MINK1: variants seen among roughly 807,000 people sequenced by gnomAD.
MINK1 encodes the protein misshapen like kinase 1, also known as misshapen-like kinase 1.
In MINK1, 46 loss-of-function variants were observed where a neutral mutation model predicts 178.4. The observed-to-expected ratio is 0.26, with a 90% confidence interval of 0.20 to 0.33. The LOEUF (loss-of-function observed/expected upper bound fraction) is 0.33. Ranked by LOEUF, MINK1 falls within the 10% of genes least tolerant of loss-of-function variation. The pLI is 1.00. For synonymous variants in MINK1, 797 were observed against 709.7 expected (o/e 1.12, Z -1.96); for missense variants, 1,366 against 1,814.9 (o/e 0.75, Z 4.49).
intron 1 of MINK1, among the ~76,000 whole-genome samples, chr17:4,837,848 G>C (rs1322340238): frequency 2.0e-5 from 3 of 152,168 alleles, no homozygotes; most frequent in Non-Finnish European, 4.4e-5. Context: ...AGGACTTGTT[G>C]CTCGGTGGTA....
In MINK1 at chr17:4,887,426, C is replaced by T. The variant is rs1244262342; in HGVS notation, c.1020-154C>T. 6.6e-6 allele frequency among the ~76,000 whole-genome samples: 1 copy of T among 152,066 alleles called. No individual in the cohort carries two copies. Among genetic ancestry groups the T allele is most frequent in the Non-Finnish European group, 1.5e-5 (1 of 68,010 alleles). On this transcript the variant is annotated intron_variant, in intron 11 of 31. Coordinates refer to ENST00000355280, the MANE Select transcript of MINK1 (RefSeq NM_153827.5). The surrounding 1 kb of genome is among the most constrained non-coding windows in gnomAD (Gnocchi z 7.6). ...AAGGAGGACAGGACTGAAGACTGGG[C>T]AGAAGGGGACGGTAAGTCTCCTGGC...
Position 4,881,192 on chromosome 17 carries a change from A to C in MINK1, c.241A>C (p.Asn81His), listed in dbSNP as rs1176011026. 6.5e-7 allele frequency: 1 copy of C among 1,537,014 alleles called. No individual in the cohort carries two copies. Among genetic ancestry groups the C allele is most frequent in the Non-Finnish European group, 8.7e-7 (1 of 1,146,884 alleles). The part of the protein sequence containing the change: ...NMLKKYSHHR[N>H]IATYYGAFIK... ...GCTGAAAAAGTACTCTCACCACCGC[A>C]ACATCGCCACCTACTACGGAGCCTT... The change falls in exon 4 of 32, where the codon AAC becomes CAC. Residue 81 changes from asparagine (N) to histidine (H), a missense_variant. Transcript: ENST00000355280.
At chr17:4,877,809 C>CTTT (rs1198512639) in intron 1 of MINK1, among the ~76,000 whole-genome samples, 3 of 122,400 alleles carry the variant, frequency 2.5e-5, no homozygotes, top group Admixed American at 8.3e-5. Flanking sequence ...TCTCTCACTT[C>CTTT]TTTTTTTTTT....
Position 4,887,518 on chromosome 17 carries a change from G to A in MINK1, c.1020-62G>A, listed in dbSNP as rs747902070. The A allele has an allele frequency of 5.1e-4, 717 of 1,407,166 alleles. No homozygotes were observed. Among genetic ancestry groups the A allele is most frequent in the Non-Finnish European group, 6.4e-4 (679 of 1,058,754 alleles). 87.2% of individuals were successfully genotyped at this position (1,407,166 alleles called of 1,614,324 possible). A position where few individuals can be genotyped will look rare whatever the true frequency, so the allele number is the denominator to read the frequency against. On this transcript the variant is annotated intron_variant, in intron 11 of 31. Coordinates refer to ENST00000355280, the MANE Select transcript of MINK1 (RefSeq NM_153827.5). This position sits in a 1 kb window ranked among gnomAD's most constrained non-coding sequence, Gnocchi z 7.6. ...AGCACCCACTCAGGCGGGCCCACGG[G>A]GTTGAGAGTGGGAACCAACAGGGTT... is the stretch of plus-strand genomic sequence containing the variant.
intron 1 of MINK1, among the ~76,000 whole-genome samples, chr17:4,865,783 T>A (rs192396831): frequency 2.0e-5 from 3 of 149,972 alleles, no homozygotes; most frequent in Non-Finnish European, 4.4e-5. Context: ...TAGTCCCAGT[T>A]ACCTGGTAGG....
At chr17:4,844,246 CCA>C (rs1910671072) in intron 1 of MINK1, among the ~76,000 whole-genome samples, 1 of 152,110 alleles carries the variant, frequency 6.6e-6, no homozygotes, top group African/African-American at 2.4e-5. Flanking sequence ...GGTGATCCAC[CCA>C]CCTCGGCCTC....
chr17:4,856,325 G>C (rs573197396), intron 1 of MINK1, among the ~76,000 whole-genome samples: 1 of 152,142 alleles, frequency 6.6e-6, no homozygotes, highest in Non-Finnish European at 1.5e-5. Context: ...GCTGTGTCCA[G>C]TATCTCTGCT....
Position 4,891,547 on chromosome 17 carries a change from C to T in MINK1, c.1832C>T (p.Ala611Val). Residue 611 changes from alanine to valine, a missense_variant, in exon 16 of 32, where the codon GCT becomes GTT. Coordinates refer to ENST00000355280, the MANE Select transcript of MINK1 (RefSeq NM_153827.5). ...SLQDQPTRNL[A>V]AFPASHDPDP... is the part of the protein sequence containing the mutation. ...CAGGACCAGCCCACCCGAAACCTGGCTGCCTTCCCAGCCTCCCATGACCCC... is the reference window on the plus strand; with the variant it reads ...CAGGACCAGCCCACCCGAAACCTGGTTGCCTTCCCAGCCTCCCATGACCCC... 2 of 1,609,628 alleles carry T rather than the reference C, an allele frequency of 1.2e-6. No homozygotes were observed. The highest frequency in any genetic ancestry group is 2.2e-5 in the East Asian group (1 of 44,642).
chr17:4,889,817 G>A, intron 13 of MINK1, 54 bp downstream of exon 13: 1 of 1,295,968 alleles, frequency 7.7e-7, no homozygotes. Flanking sequence ...CCTGCTGCCT[G>A]CCGCCCCTGC....
At chr17:4,842,108 C>T (rs1426794895) in intron 1 of MINK1, among the ~76,000 whole-genome samples, 2 of 151,646 alleles carry the variant, frequency 1.3e-5, no homozygotes, top group Non-Finnish European at 2.9e-5. Context: ...CCTGTAGTCC[C>T]AGCTACTTGG....
At chr17:4,891,309 T>A in intron 15 of MINK1, 147 bp from the exon 16 acceptor site, 1 of 1,256,650 alleles carries the variant, frequency 8.0e-7, no homozygotes, top group Non-Finnish European at 1.1e-6. Flanking sequence ...GTGTCTGTCC[T>A]GACTTAGCTG....
chr17:4,880,724 C>T (rs1967622425), intron 2 of MINK1, among the ~76,000 whole-genome samples: 1 of 151,210 alleles, frequency 6.6e-6, no homozygotes, highest in African/African-American at 2.4e-5. Context: ...ACGGTGAAAC[C>T]CCATCTCTAC....
chr17:4,880,978 C>T lies in MINK1; in HGVS notation c.124-6C>T. The stretch of plus-strand genomic sequence containing the variant: ...GAGCATAGACTCAGATCCCTCTGTC[C>T]CGCAGGGTCGGCATGTCAAGACGGG... On this transcript the variant is annotated splice_polypyrimidine_tract_variant and splice_region_variant and intron_variant, in intron 2 of 31. Coordinates refer to ENST00000355280, the MANE Select transcript of MINK1 (RefSeq NM_153827.5). 1 of 1,505,484 alleles carries T rather than the reference C, an allele frequency of 6.6e-7. No individual in the cohort carries two copies. The highest frequency in any genetic ancestry group is 8.8e-7 in the Non-Finnish European group (1 of 1,130,966). The allele number at this position is 1,505,484 out of a possible 1,614,324, so 93.3% of individuals were successfully genotyped here. A position where few individuals can be genotyped will look rare whatever the true frequency, so the allele number is the denominator to read the frequency against.
chr17:4,855,313 C>T (rs1912857462), intron 1 of MINK1, among the ~76,000 whole-genome samples: 2 of 149,292 alleles, frequency 1.3e-5, no homozygotes, highest in South Asian at 2.1e-4. Context: ...GGTGAAACCC[C>T]GTCTCTACTA....
At chr17:4,893,686 G>C in intron 21 of MINK1, 89 bp downstream of exon 21, 1 of 1,445,396 alleles carries the variant, frequency 6.9e-7, no homozygotes. Flanking sequence ...TTTGGGGCAA[G>C]TCTGAGGGAG....
chr17:4,858,572 T>C (rs1314675630), intron 1 of MINK1, among the ~76,000 whole-genome samples: 1 of 151,450 alleles, frequency 6.6e-6, no homozygotes, highest in Non-Finnish European at 1.5e-5. Flanking sequence ...CGCCTCCCAG[T>C]CTCAAGTGAT....
At chr17:4,860,830 C>T (rs1914057507) in intron 1 of MINK1, 1 of 518,138 alleles carries the variant, frequency 1.9e-6, no homozygotes, top group East Asian at 5.5e-5. Context: ...GTGCGCGCCA[C>T]GTGCTGGGGA....
intron 1 of MINK1, chr17:4,875,597 A>C: frequency 2.5e-6 from 1 of 399,146 alleles, no homozygotes; most frequent in Non-Finnish European, 5.0e-6. Flanking sequence ...ACAGGGTGAA[A>C]CCACGTCTCT....
At chr17:4,888,111 G>A (rs539518872) in intron 12 of MINK1, among the ~76,000 whole-genome samples, 1 of 151,784 alleles carries the variant, frequency 6.6e-6, no homozygotes, top group Non-Finnish European at 1.5e-5. Context: ...AGCTACTCCG[G>A]AGGCTGAGGC....
Sources: gnomAD v4.1 joint callset for allele counts (sites outside exome capture counted in the v4.1 genomes callset) on GRCh38, gnomAD v4.1.1 for gene constraint, Gnocchi (gnomAD v3.1) non-coding constraint, MANE v1.5 for transcripts, NCBI Gene and HGNC (gene_info 2026-07-23, HGNC 2026-07-21) for gene names.